Variants in LRP1 observed in about 807,000 individuals in gnomAD.
LRP1 encodes the protein LDL receptor related protein 1.
A neutral mutation model predicts 541.5 loss-of-function variants in LRP1; 51 were observed. The observed-to-expected ratio is 0.09, with a 90% CI of 0.08 to 0.12. The LOEUF (loss-of-function observed/expected upper bound fraction) is 0.12, where lower values mean the gene tolerates loss of function less well. Ranked by LOEUF, LRP1 falls within the 10% of genes least tolerant of loss-of-function variation. LRP1 has a pLI of 1.00. For synonymous variants in LRP1, 2,219 were observed against 2,470.8 expected (o/e 0.90, Z 3.02); for missense variants, 3,878 against 6,376.2 (o/e 0.61, Z 13.34).
chr12:57,162,751 T>C lies in LRP1; in HGVS notation c.2405-107T>C. On this transcript the variant is annotated intron_variant, in intron 14 of 88. Coordinates refer to ENST00000243077, the MANE Select transcript of LRP1 (RefSeq NM_002332.3). The surrounding 1 kb of genome is among the most constrained non-coding windows in gnomAD (Gnocchi z 5.2). Reference sequence around the variant, plus strand: ...CAACATGATCTTCTTCCTCTCCATATTTCCTCTTTCTGTCCCCACATCTTA... The same window carrying C: ...CAACATGATCTTCTTCCTCTCCATACTTCCTCTTTCTGTCCCCACATCTTA... The C allele has an allele frequency of 5.4e-6, 7 of 1,292,082 alleles. No individual in the cohort carries two copies. The highest frequency in any genetic ancestry group is 7.5e-6 in the Non-Finnish European group (7 of 938,450). The allele number at this position is 1,292,082 out of a possible 1,614,324, so 80.0% of individuals were successfully genotyped here. A position where few individuals can be genotyped will look rare whatever the true frequency, so the allele number is the denominator to read the frequency against.
intron 1 of LRP1, among the ~76,000 whole-genome samples, chr12:57,134,358 G>A (rs1313510948): frequency 2.0e-5 from 3 of 152,048 alleles, no homozygotes; most frequent in Admixed American, 1.3e-4. Context: ...TCTCTGAGGA[G>A]CCCTGAAGGC....
Position 57,200,687 on chromosome 12 carries a change from CCT to C in LRP1, c.10109-7_10109-6del. 6.2e-7 allele frequency: 1 copy of C among 1,610,056 alleles called. No homozygotes were observed. ...CCCAGCCGCTCTGACTCTGAGCCTC[CCT>C]CTCTGGCAGCTGAGTTCAAGTGCCG... On this transcript the variant is annotated splice_polypyrimidine_tract_variant and intron_variant, in intron 63 of 88. Transcript: ENST00000243077.
At position 57,177,014 on chromosome 12, in the gene LRP1, A is replaced by G; in HGVS notation, c.3992-27A>G. 2 of 1,600,266 alleles carry G rather than the reference A, an allele frequency of 1.2e-6. No homozygotes were observed. The highest frequency in any genetic ancestry group is 1.7e-6 in the Non-Finnish European group (2 of 1,168,680). On this transcript the variant is annotated intron_variant, in intron 24 of 88. Coordinates refer to ENST00000243077, the MANE Select transcript of LRP1 (RefSeq NM_002332.3). The surrounding 1 kb of genome is among the most constrained non-coding windows in gnomAD (Gnocchi z 6.8). The stretch of plus-strand genomic sequence containing the variant: ...CATGCACAGCTCCCCAGGAGACGCT[A>G]ACCTTTCACTGCCCTCTCTTCTCCA...
intron 52 of LRP1, 128 bp from the exon 53 acceptor site, chr12:57,195,530 C>G: frequency 6.4e-7 from 1 of 1,569,056 alleles, no homozygotes; most frequent in Non-Finnish European, 8.7e-7. Flanking sequence ...ATAGCTGTAG[C>G]CCAGGTGTCC....
intron 79 of LRP1, 69 bp from the exon 80 acceptor site, chr12:57,209,623 G>A: frequency 7.4e-7 from 1 of 1,349,660 alleles, no homozygotes. Flanking sequence ...ACAGGTGCCA[G>A]TGTCGTGGAC....
intron 6 of LRP1, chr12:57,149,973 T>C: frequency 3.7e-6 from 2 of 546,842 alleles, no homozygotes. Flanking sequence ...GGCAGGATCC[T>C]GGCAGTAGAA....
chr12:57,152,307 G>A (rs1041320335), intron 6 of LRP1, among the ~76,000 whole-genome samples: 2 of 152,072 alleles, frequency 1.3e-5, no homozygotes, highest in Admixed American at 6.5e-5. Flanking sequence ...AAGGCCGGCC[G>A]TAGCTGCGCC....
chr12:57,165,308 C>G lies in LRP1; in HGVS notation c.2531-497C>G, dbSNP rs1043767495. On this transcript the variant is annotated intron_variant, in intron 15 of 88. Transcript: ENST00000243077. This position sits in a 1 kb window ranked among gnomAD's most constrained non-coding sequence, Gnocchi z 4.5. ...CGTCGTGATTTAGCTGCTAATGGGC[C>G]AAGACAGATAGTGATGGTGAGGCAT... 2 of 156,768 alleles carry G rather than the reference C, an allele frequency of 1.3e-5. No individual in the cohort carries two copies. Among genetic ancestry groups the G allele is most frequent in the Non-Finnish European group, 2.8e-5 (2 of 70,688 alleles). The allele number at this position is 156,768 out of a possible 1,614,324, so 9.7% of individuals were successfully genotyped here.
rs760954328 is a variant in LRP1 at position 57,160,020 on chromosome 12, GC to G, written c.1979+17del. ...CCACTCAATGGGTGAGTCCTCCCAG[GC>G]CTTGGGGTGGGAGGAGCTGGGAGTG... On this transcript the variant is annotated intron_variant, in intron 12 of 88. Coordinates refer to ENST00000243077, the MANE Select transcript of LRP1 (RefSeq NM_002332.3). 6.2e-7 allele frequency: 1 copy of G among 1,612,052 alleles called. No homozygotes were observed.
chr12:57,132,705 C>A (rs1007884929), intron 1 of LRP1, among the ~76,000 whole-genome samples: 4 of 152,198 alleles, frequency 2.6e-5, no homozygotes, highest in African/African-American at 9.7e-5. Flanking sequence ...TCATCTCTTA[C>A]TGCCGAACCT....
Position 57,146,051 on chromosome 12 carries a change from G to A in LRP1, c.841+561G>A, listed in dbSNP as rs113953523. Among the ~76,000 whole-genome samples the A allele has an allele frequency of 9.1e-3, 1,387 of 152,276 alleles. 9 individuals are homozygous for A. The highest frequency in any genetic ancestry group is 0.015 in the Non-Finnish European group (1,011 of 68,004). ...TGGGAGAGGAGCGTGAGCCACATGA[G>A]ATTTTAGAATATCCTGGATGCTTCC... On this transcript the variant is annotated intron_variant, in intron 6 of 88. Coordinates refer to ENST00000243077, the MANE Select transcript of LRP1 (RefSeq NM_002332.3).
rs1555186345 is a variant in LRP1 at position 57,193,286 on chromosome 12, G to T, written c.7666G>T (p.Glu2556Ter). The part of the protein sequence containing the change: ...GVPHCKDKSD[E>*]KPSYCNSRRC... ...CCCCCACTGCAAGGACAAGTCCGAT[G>T]AGAAGCCATCCTACTGCAGTAAGGA... The change falls in exon 46 of 89, where the codon GAG becomes TAG. Residue 2556 changes from glutamate to a stop codon, truncating the protein, a stop_gained. Transcript: ENST00000243077. LOFTEE classifies it high-confidence loss of function. 1 of 1,612,986 alleles carries T rather than the reference G, an allele frequency of 6.2e-7. No homozygotes were observed.
In LRP1 at chr12:57,185,865, A is replaced by G; in HGVS notation, c.6798A>G (p.Gln2266=). The G allele has an allele frequency of 2.5e-6, 4 of 1,614,116 alleles. No individual in the cohort carries two copies. The highest frequency in any genetic ancestry group is 3.4e-6 in the Non-Finnish European group (4 of 1,180,024). ...GCGACATCCACTTTGGGAACATCCA[A>G]CAGATCAACGACGATGGCTCCAGGA... The part of the protein sequence containing the change: ...FFSDIHFGNI[Q]QINDDGSRRI... The change falls in exon 41 of 89, where the codon CAA becomes CAG. Residue 2266 remains glutamine, a synonymous_variant. Coordinates refer to ENST00000243077, the MANE Select transcript of LRP1 (RefSeq NM_002332.3). The surrounding 1 kb of genome is among the most constrained non-coding windows in gnomAD (Gnocchi z 4.9).
intron 42 of LRP1, among the ~76,000 whole-genome samples, chr12:57,188,900 C>T (rs561768260): frequency 3.9e-5 from 6 of 152,214 alleles, no homozygotes; most frequent in Non-Finnish European, 8.8e-5. Context: ...GTCCCAGTGC[C>T]CAGGAGAAAG....
chr12:57,156,846 C>G lies in LRP1; in HGVS notation c.1487C>G (p.Ala496Gly). ...GGCTGCTCTGACATCTGCCTGCTGG[C>G]CAACAGCCACAAGGCGCGGACCTGC... ...PGGCSDICLL[A>G]NSHKARTCRC... is the part of the protein sequence containing the mutation. Residue 496 changes from alanine to glycine, a missense_variant, in exon 10 of 89, where the codon GCC becomes GGC. Coordinates refer to ENST00000243077, the MANE Select transcript of LRP1 (RefSeq NM_002332.3). This position sits in a 1 kb window ranked among gnomAD's most constrained non-coding sequence, Gnocchi z 5.2. 1 of 1,604,388 alleles carries G rather than the reference C, an allele frequency of 6.2e-7. No individual in the cohort carries two copies. The highest frequency in any genetic ancestry group is 8.5e-7 in the Non-Finnish European group (1 of 1,177,716).
intron 1 of LRP1, among the ~76,000 whole-genome samples, chr12:57,135,517 C>G (rs542622624): frequency 6.6e-6 from 1 of 152,346 alleles, no homozygotes; most frequent in Admixed American, 6.5e-5. Flanking sequence ...TCTTCCCTCT[C>G]CCCCTGAAGG....
At chr12:57,141,565 C>T in intron 3 of LRP1, 54 bp downstream of exon 3, 1 of 1,609,216 alleles carries the variant, frequency 6.2e-7, no homozygotes, top group Non-Finnish European at 8.5e-7. Context: ...TATTATCAGC[C>T]CACCTTCCGA....
intron 1 of LRP1, among the ~76,000 whole-genome samples, chr12:57,137,888 C>T (rs2035206656): frequency 1.3e-5 from 2 of 152,106 alleles, no homozygotes; most frequent in South Asian, 4.1e-4. Flanking sequence ...TCTGCTAATA[C>T]CATCTCCAAC....
chr12:57,209,469 G>T (rs917015022), intron 79 of LRP1, among the ~76,000 whole-genome samples: 1 of 152,266 alleles, frequency 6.6e-6, no homozygotes, highest in African/African-American at 2.4e-5. Flanking sequence ...CAAATTGGGG[G>T]AGAAGGAATA....
Sources: gnomAD v4.1 joint callset for allele counts (sites outside exome capture counted in the v4.1 genomes callset) on GRCh38, gnomAD v4.1.1 for gene constraint, Gnocchi (gnomAD v3.1) non-coding constraint, MANE v1.5 for transcripts, NCBI Gene and HGNC (gene_info 2026-07-23, HGNC 2026-07-21) for gene names.